RBFOX1: variants seen among roughly 807,000 people sequenced by gnomAD.
RBFOX1 encodes the protein RNA binding fox-1 homolog 1.
A neutral mutation model predicts 57.7 loss-of-function variants in RBFOX1; 8 were observed. The observed-to-expected ratio is 0.14, with a 90% CI of 0.08 to 0.25. The LOEUF is 0.25. Ranked by LOEUF, RBFOX1 falls within the 10% of genes least tolerant of loss-of-function variation. RBFOX1 has a pLI of 1.00. For synonymous variants in RBFOX1, 326 were observed against 222.4 expected (o/e 1.47, Z -4.15); for missense variants, 611 against 548.5 (o/e 1.11, Z -1.14).
intron 2 of RBFOX1, among the ~76,000 whole-genome samples, chr16:6,617,864 A>T (rs111399210): frequency 6.6e-6 from 1 of 152,152 alleles, no homozygotes; most frequent in Non-Finnish European, 1.5e-5. Context: ...TTCAATAAGG[A>T]TGGAAAGTAC....
At chr16:6,606,260 C>G (rs1411874542) in intron 2 of RBFOX1, among the ~76,000 whole-genome samples, 1 of 152,054 alleles carries the variant, frequency 6.6e-6, no homozygotes, top group Non-Finnish European at 1.5e-5. Flanking sequence ...GATATTTTTT[C>G]CAAGCCAATA....
At chr16:5,389,321 G>C (rs2066340420) in intron 1 of RBFOX1, among the ~76,000 whole-genome samples, 1 of 152,172 alleles carries the variant, frequency 6.6e-6, no homozygotes, top group African/African-American at 2.4e-5. Flanking sequence ...CTGCATAACA[G>C]GCTTTTCGAC....
chr16:7,696,146 G>T, intron 14 of RBFOX1, among the ~76,000 whole-genome samples: 1 of 152,186 alleles, frequency 6.6e-6, no homozygotes, highest in East Asian at 1.9e-4. Context: ...TTTGTGGTCT[G>T]TGAGACTAAT....
chr16:5,454,958 C>CCTTCCTTT (rs1567535950), intron 1 of RBFOX1, among the ~76,000 whole-genome samples: 65 of 30,376 alleles, frequency 2.1e-3, no homozygotes, highest in South Asian at 4.9e-3. Flanking sequence ...TTCCTTCCTT[C>CCTTCCTTT]CTTTCTTTCT....
chr16:6,078,556 C>T (rs957810994), intron 1 of RBFOX1, among the ~76,000 whole-genome samples: 1 of 152,182 alleles, frequency 6.6e-6, no homozygotes, highest in African/African-American at 2.4e-5. Context: ...TCATTTCTAC[C>T]TAGCTGTGTG....
At chr16:7,013,492 A>G (rs759018900) in intron 3 of RBFOX1, among the ~76,000 whole-genome samples, 1 of 152,178 alleles carries the variant, frequency 6.6e-6, no homozygotes, top group Non-Finnish European at 1.5e-5. Flanking sequence ...ATGCCTCTAA[A>G]TATCCTGCAT....
At chr16:5,502,434 T>C (rs1230987677) in intron 2 of RBFOX1, among the ~76,000 whole-genome samples, 1 of 151,828 alleles carries the variant, frequency 6.6e-6, no homozygotes, top group Admixed American at 6.6e-5. Context: ...GGTCAGGGGG[T>C]GGACATGGAG....
intron 1 of RBFOX1, among the ~76,000 whole-genome samples, chr16:5,412,393 C>T (rs2067045474): frequency 6.6e-6 from 1 of 152,152 alleles, no homozygotes; most frequent in African/African-American, 2.4e-5. Context: ...TGATATTTTT[C>T]TTGTTATTCT....
At chr16:5,525,750 G>A (rs2044220521) in intron 2 of RBFOX1, among the ~76,000 whole-genome samples, 1 of 152,018 alleles carries the variant, frequency 6.6e-6, no homozygotes, top group East Asian at 1.9e-4. Flanking sequence ...CACCCTCCTT[G>A]GCCTCCCAAA....
intron 2 of RBFOX1, among the ~76,000 whole-genome samples, chr16:5,522,991 C>CA (rs57131295): frequency 0.77 from 116,900 of 151,726 alleles, 46,012 homozygotes; most frequent in East Asian, 0.99. Context: ...TAAAGTGCTG[C>CA]AAAATCATGG....
At chr16:5,288,058 C>A (rs555700629) in intron 1 of RBFOX1, among the ~76,000 whole-genome samples, 1 of 152,194 alleles carries the variant, frequency 6.6e-6, no homozygotes, top group Non-Finnish European at 1.5e-5. Context: ...TGCAGGTCTG[C>A]ATGTAATTGT....
intron 2 of RBFOX1, among the ~76,000 whole-genome samples, chr16:5,508,193 C>T (rs1274412686): frequency 6.6e-6 from 1 of 152,216 alleles, no homozygotes; most frequent in Non-Finnish European, 1.5e-5. Context: ...GCATCATCTG[C>T]TTCTGAGTCT....
At chr16:5,696,021 A>G (rs999638900) in intron 3 of RBFOX1, among the ~76,000 whole-genome samples, 2 of 152,348 alleles carry the variant, frequency 1.3e-5, no homozygotes, top group East Asian at 3.9e-4. Context: ...GAAAATGTCA[A>G]ACACGGTTTT....
chr16:7,459,251 T>A (rs1444835865), intron 4 of RBFOX1, among the ~76,000 whole-genome samples: 1 of 152,178 alleles, frequency 6.6e-6, no homozygotes, highest in Non-Finnish European at 1.5e-5. Flanking sequence ...TTCTAGACAT[T>A]GAGTTTTAGG....
chr16:7,478,454 GA>G (rs1318145789), intron 4 of RBFOX1, among the ~76,000 whole-genome samples: 1 of 152,200 alleles, frequency 6.6e-6, no homozygotes, highest in Admixed American at 6.5e-5. Flanking sequence ...CTGCTGAAGA[GA>G]AAGTGCTTTA....
At chr16:6,903,458 C>G (rs915736202) in intron 3 of RBFOX1, among the ~76,000 whole-genome samples, 2 of 152,300 alleles carry the variant, frequency 1.3e-5, no homozygotes, top group East Asian at 1.9e-4. Context: ...GCTTATCTGT[C>G]TTTGAATTCT....
chr16:5,524,436 G>T (rs2044153289), intron 2 of RBFOX1, among the ~76,000 whole-genome samples: 1 of 152,180 alleles, frequency 6.6e-6, no homozygotes, highest in African/African-American at 2.4e-5. Flanking sequence ...GAGTAGTGCT[G>T]CAGTGAACAT....
At chr16:5,410,062 A>AT (rs1472357327) in intron 1 of RBFOX1, among the ~76,000 whole-genome samples, 83 of 115,732 alleles carry the variant, frequency 7.2e-4, no homozygotes, top group African/African-American at 2.3e-3. Context: ...AAAAAAAAAA[A>AT]AAAATAATAA....
At chr16:5,969,666 G>C (rs2059924880) in intron 4 of RBFOX1, among the ~76,000 whole-genome samples, 1 of 151,566 alleles carries the variant, frequency 6.6e-6, no homozygotes, top group Admixed American at 6.6e-5. Context: ...TAAAATCTTA[G>C]GTAGCTTATC....
Sources: gnomAD v4.1 joint callset for allele counts (sites outside exome capture counted in the v4.1 genomes callset) on GRCh38, gnomAD v4.1.1 for gene constraint, MANE v1.5 for transcripts, NCBI Gene and HGNC (gene_info 2026-07-23, HGNC 2026-07-21) for gene names.